Variants in ANKRD16 observed in about 807,000 individuals in gnomAD.
ANKRD16 encodes ankyrin repeat domain-containing protein 16.
Under a neutral mutation model 37.9 loss-of-function variants are expected in ANKRD16, and 35 were observed. The ratio of observed to expected loss-of-function variants is 0.92; its 90% confidence interval spans 0.71 to 1.23. The LOEUF is 1.23. Among genes scored for constraint, ANKRD16 ranks in the 50% most tolerant of loss-of-function variants. The pLI is 0.00. For missense variants in ANKRD16, 480 were observed against 469.9 expected (o/e 1.02, Z -0.20); for synonymous variants, 206 against 197.2 (o/e 1.04, Z -0.37).
rs1198906898 is a variant in ANKRD16 at position 5,868,465 on chromosome 10, G to C, written c.*34-5774C>G. Among the ~76,000 whole-genome samples the C allele has an allele frequency of 2.6e-5, 4 of 152,170 alleles. No homozygotes were observed. On this transcript the variant is annotated intron_variant, in intron 7 of 7. Coordinates refer to ENST00000380094, the MANE Select transcript of ANKRD16 (RefSeq NM_019046.3). The surrounding 1 kb of genome is among the most constrained non-coding windows in gnomAD (Gnocchi z 4.9). ...AAGTGGGGACTTGGAGAACTTTTCT[G>C]TCTAGCTAAAGGACTGTAAATGCAC...
intron 3 of ANKRD16, among the ~76,000 whole-genome samples, chr10:5,885,355 T>G (rs1198581867): frequency 6.6e-6 from 1 of 152,092 alleles, no homozygotes; most frequent in Admixed American, 6.6e-5. Context: ...TAATTTTTTT[T>G]GAATTTTTAG....
rs1014335577 is a variant in ANKRD16 at position 5,871,721 on chromosome 10, G to A, written c.*33+6376C>T. The stretch of plus-strand genomic sequence containing the variant: ...TCTAAGCCTACTTCCCACACCTTCC[G>A]AAGAGCCTTATCCCACAGAGCCCTC... On this transcript the variant is annotated intron_variant, in intron 7 of 7. Coordinates refer to ENST00000380094, the MANE Select transcript of ANKRD16 (RefSeq NM_019046.3). This position sits in a 1 kb window ranked among gnomAD's most constrained non-coding sequence, Gnocchi z 4.5. Among the ~76,000 whole-genome samples, 2 of 152,004 alleles carry A rather than the reference G, an allele frequency of 1.3e-5. No homozygotes were observed. The highest frequency in any genetic ancestry group is 2.9e-5 in the Non-Finnish European group (2 of 68,004).
chr10:5,882,485 C>CAA (rs757959621), intron 5 of ANKRD16, among the ~76,000 whole-genome samples: 15,050 of 134,742 alleles, frequency 0.11, 934 homozygotes, highest in African/African-American at 0.18. Flanking sequence ...ACAAACAAAC[C>CAA]AAAAAAAAAA....
At chr10:5,888,120 C>A in intron 1 of ANKRD16, 53 bp from the exon 2 acceptor site, 2 of 1,513,820 alleles carry the variant, frequency 1.3e-6, no homozygotes, top group Admixed American at 1.7e-5. Flanking sequence ...ACATTAGAAG[C>A]CAGGGGCCAG....
chr10:5,873,839 C>T (rs1842142842), intron 7 of ANKRD16, among the ~76,000 whole-genome samples: 1 of 151,730 alleles, frequency 6.6e-6, no homozygotes, highest in Non-Finnish European at 1.5e-5. Flanking sequence ...TATGTTAGGT[C>T]CTCGCTATTT....
At chr10:5,888,288 A>T (rs1842482693) in intron 1 of ANKRD16, among the ~76,000 whole-genome samples, 1 of 152,212 alleles carries the variant, frequency 6.6e-6, no homozygotes, top group Non-Finnish European at 1.5e-5. Context: ...ACGTGTACCT[A>T]GAGGAGAGGG....
chr10:5,889,128 T>G lies in ANKRD16; in HGVS notation c.227A>C (p.His76Pro), dbSNP rs928737956. ...ATNRDYKRPL[H>P]EAASMGHRDC... ...TCGGTGGCCCATGGAGGCCGCCTCG[T>G]GCAGAGGCCGCTTGTAGTCTCGGTT... is the stretch of plus-strand genomic sequence containing the variant. The change falls in exon 1 of 8, where the codon CAC (histidine) becomes CCC (proline). Residue 76 changes from histidine to proline, a missense_variant. Coordinates refer to ENST00000380094, the MANE Select transcript of ANKRD16 (RefSeq NM_019046.3). 1 of 1,597,236 alleles carries G rather than the reference T, an allele frequency of 6.3e-7. No homozygotes were observed. Among genetic ancestry groups the G allele is most frequent in the African/African-American group, 1.3e-5 (1 of 74,532 alleles).
chr10:5,872,700 G>T (rs999600480), intron 7 of ANKRD16, among the ~76,000 whole-genome samples: 1 of 149,820 alleles, frequency 6.7e-6, no homozygotes, highest in Non-Finnish European at 1.5e-5. Context: ...AGGACTACAG[G>T]CGCCCGCCAC....
At chr10:5,867,538 A>G (rs1462625276) in intron 7 of ANKRD16, among the ~76,000 whole-genome samples, 1 of 152,262 alleles carries the variant, frequency 6.6e-6, no homozygotes, top group Non-Finnish European at 1.5e-5. Flanking sequence ...GCAAAGAAAA[A>G]TTAAAATCCC....
chr10:5,883,538 A>C (rs572815213), intron 4 of ANKRD16, among the ~76,000 whole-genome samples: 60 of 152,154 alleles, frequency 3.9e-4, no homozygotes, highest in Non-Finnish European at 6.8e-4. Flanking sequence ...TAGATGACCC[A>C]CCCGCTTTGG....
chr10:5,877,432 T>A (rs1355900183), intron 7 of ANKRD16, among the ~76,000 whole-genome samples: 1 of 152,252 alleles, frequency 6.6e-6, no homozygotes, highest in Non-Finnish European at 1.5e-5. Flanking sequence ...ATTTTTTACA[T>A]GTATTTATTA....
intron 5 of ANKRD16, among the ~76,000 whole-genome samples, chr10:5,882,426 A>G (rs1375816532): frequency 6.6e-6 from 1 of 151,812 alleles, no homozygotes; most frequent in East Asian, 1.9e-4. Flanking sequence ...CCTGTAATCC[A>G]GCCTGGGCAA....
At chr10:5,887,374 C>CT (rs34678785) in intron 2 of ANKRD16, among the ~76,000 whole-genome samples, 79,186 of 137,754 alleles carry the variant, frequency 0.57, 23,045 homozygotes, top group East Asian at 0.87. Context: ...CCCCTAGATG[C>CT]TTTTTTTTTT....
rs2296136 is a variant in ANKRD16 at position 5,887,999 on chromosome 10, G to T, written c.383C>A (p.Ala128Asp). The change falls in exon 2 of 8, where the codon GCC (alanine) becomes GAC (aspartate). Residue 128 changes from alanine to aspartate, a missense_variant. Ala to Asp is a moderately radical substitution (Grantham distance 126). Transcript: ENST00000380094. ...GVIQELVEHG[A>D]NPLLKNKDGW... is the part of the protein sequence containing the mutation. ...ATCTTTGTTCTTCAGGAGTGGATTG[G>T]CGCCATGTTCCACCAGCTCCTGGAT... 1.8e-5 allele frequency: 29 copies of T among 1,614,166 alleles called. No individual in the cohort carries two copies. Among genetic ancestry groups the T allele is most frequent in the Non-Finnish European group, 2.4e-5 (28 of 1,180,018 alleles).
intron 7 of ANKRD16, among the ~76,000 whole-genome samples, chr10:5,867,268 C>T (rs1443956347): frequency 2.6e-5 from 4 of 152,202 alleles, no homozygotes; most frequent in Admixed American, 1.3e-4. Flanking sequence ...AAAGGTCCAA[C>T]CAGACCTAGG....
Position 5,885,742 on chromosome 10 carries a change from C to T in ANKRD16, c.559G>A (p.Val187Ile). 6.2e-7 allele frequency: 1 copy of T among 1,608,032 alleles called. No individual in the cohort carries two copies. The highest frequency in any genetic ancestry group is 8.5e-7 in the Non-Finnish European group (1 of 1,178,472). The change falls in exon 3 of 8, where the codon GTC becomes ATC. Residue 187 changes from valine to isoleucine, a missense_variant. By Grantham distance (29) the Val-to-Ile change is conservative. Transcript: ENST00000380094. ...TAAMHGHLEA[V>I]KVLLKRCQYE... Reference sequence around the variant, plus strand: ...TCTTACCTCTTAAGAAGCACCTTGACTGCCTCCAAATGGCCATGCATTGCT... The same window carrying T: ...TCTTACCTCTTAAGAAGCACCTTGATTGCCTCCAAATGGCCATGCATTGCT...
At position 5,864,050 on chromosome 10, in the gene ANKRD16, TG is replaced by T. The variant is rs1841980248; in HGVS notation, c.*34-1360del. On this transcript the variant is annotated intron_variant, in intron 7 of 7. Transcript: ENST00000380094. The surrounding 1 kb of genome is among the most constrained non-coding windows in gnomAD (Gnocchi z 4.4). ...CCTGGCCCCAATATTCTCTCTCTGATGGGGAAAAATGGCCACCTGAGGGAAG... is the reference window on the plus strand; with the variant it reads ...CCTGGCCCCAATATTCTCTCTCTGATGGGAAAAATGGCCACCTGAGGGAAG... 6.6e-6 allele frequency among the ~76,000 whole-genome samples: 1 copy of T among 152,086 alleles called. No individual in the cohort carries two copies. Among genetic ancestry groups the T allele is most frequent in the Non-Finnish European group, 1.5e-5 (1 of 68,036 alleles).
At chr10:5,880,634 CA>C (rs544437736) in intron 5 of ANKRD16, among the ~76,000 whole-genome samples, 2,317 of 150,578 alleles carry the variant, frequency 0.015, 35 homozygotes, top group Admixed American at 0.024. Flanking sequence ...ATAAAAGGAG[CA>C]GGGGGGGGAT....
Position 5,864,254 on chromosome 10 carries a change from C to A in ANKRD16, c.*34-1563G>T, listed in dbSNP as rs1191354221. Among the ~76,000 whole-genome samples, 1 of 152,030 alleles carries A rather than the reference C, an allele frequency of 6.6e-6. No individual in the cohort carries two copies. The highest frequency in any genetic ancestry group is 1.5e-5 in the Non-Finnish European group (1 of 68,020). ...CCCCCAGATCCTAGCCTCCCTATAG[C>A]CCCTTCCTATTAATGATAAGCCTCC... On this transcript the variant is annotated intron_variant, in intron 7 of 7. Coordinates refer to ENST00000380094, the MANE Select transcript of ANKRD16 (RefSeq NM_019046.3). The surrounding 1 kb of genome is among the most constrained non-coding windows in gnomAD (Gnocchi z 4.4).
Sources: gnomAD v4.1 joint callset for allele counts (sites outside exome capture counted in the v4.1 genomes callset) on GRCh38, gnomAD v4.1.1 for gene constraint, Gnocchi (gnomAD v3.1) non-coding constraint, MANE v1.5 for transcripts, NCBI Gene and HGNC (gene_info 2026-07-23, HGNC 2026-07-21) for gene names.